The following OR9A4 variants were observed in gnomAD, a reference collection of about 807,000 sequenced individuals.
OR9A4 encodes the protein olfactory receptor 9A4.
Under a neutral mutation model 17.1 loss-of-function variants are expected in OR9A4, and 16 were observed. The ratio of observed to expected loss-of-function variants is 0.94; its 90% confidence interval spans 0.64 to 1.43. OR9A4 has a LOEUF of 1.43. OR9A4 is among the 40% of genes most tolerant of loss of function. OR9A4 has a pLI of 0.00. For missense variants in OR9A4, 392 were observed against 382.1 expected, an observed-to-expected ratio of 1.03 and a Z score of -0.22; for synonymous variants, 167 against 143.3, an observed-to-expected ratio of 1.17 and a Z score of -1.18.
chr7:141,918,779 T>G, intron 1 of OR9A4, 67 bp from the exon 2 acceptor site: 1 of 918,048 alleles, frequency 1.1e-6, no homozygotes, highest in Non-Finnish European at 1.7e-6. Context: ...AGAGGAATGT[T>G]TTTTCAACCT....
At position 141,919,981 on chromosome 7, in the gene OR9A4, GC is replaced by G. The variant is rs1554439201; in HGVS notation, c.*162del. The G allele has an allele frequency of 1.8e-6, 1 of 570,236 alleles. No homozygotes were observed. The highest frequency in any genetic ancestry group is 3.0e-6 in the Non-Finnish European group (1 of 336,188). 35.3% of individuals were successfully genotyped at this position (570,236 alleles called of 1,614,324 possible). ...AAGTTACAGCTACGGTTTTTAGTAT[GC>G]TTAGTTGTTACTTGAAACTCAGTCT... On this transcript the variant is annotated 3_prime_UTR_variant, in exon 2 of 2. Coordinates refer to ENST00000641559, the MANE Select transcript of OR9A4 (RefSeq NM_001001656.3).
chr7:141,918,407 G>A (rs73529454), intron 1 of OR9A4, among the ~76,000 whole-genome samples: 3,323 of 152,252 alleles, frequency 0.022, 122 homozygotes, highest in African/African-American at 0.076. Context: ...ACCCAGCCAG[G>A]AATACTTTCT....
At chr7:141,918,678 T>A in intron 1 of OR9A4, 168 bp from the exon 2 acceptor site, 1 of 528,492 alleles carries the variant, frequency 1.9e-6, no homozygotes, top group Non-Finnish European at 3.3e-6. Context: ...CATATACATT[T>A]ATCTTCAAAA....
chr7:141,919,136 T>C lies in OR9A4; in HGVS notation c.261T>C (p.Pro87=). Residue 87 remains proline, a synonymous_variant, in exon 2 of 2, where the codon CCT becomes CCC. Coordinates refer to ENST00000641559, the MANE Select transcript of OR9A4 (RefSeq NM_001001656.3). ...TGATGCTTTGGGGATTGCTGCTCCC[T>C]GGGATGCAGACAATATATTTGTCTG... The part of the protein sequence containing the change: ...VPVMLWGLLL[P]GMQTIYLSAC... 1 of 1,614,172 alleles carries C rather than the reference T, an allele frequency of 6.2e-7. No individual in the cohort carries two copies. Among genetic ancestry groups the C allele is most frequent in the Non-Finnish European group, 8.5e-7 (1 of 1,180,018 alleles).
Position 141,919,604 on chromosome 7 carries a change from C to T in OR9A4, c.729C>T (p.Ser243=), listed in dbSNP as rs782635692. Residue 243 remains serine, a synonymous_variant, in exon 2 of 2, where the codon TCC becomes TCT. Coordinates refer to ENST00000641559, the MANE Select transcript of OR9A4 (RefSeq NM_001001656.3). The part of the protein sequence containing the change: ...GRRKSFSTCA[S]HFTCVVIGYG... Reference sequence around the variant, plus strand: ...GGAAATCCTTCTCCACTTGTGCCTCCCACTTCACCTGTGTTGTGATTGGCT... The same window carrying T: ...GGAAATCCTTCTCCACTTGTGCCTCTCACTTCACCTGTGTTGTGATTGGCT... 18 of 1,614,164 alleles carry T rather than the reference C, an allele frequency of 1.1e-5. No homozygotes were observed. Among genetic ancestry groups the T allele is most frequent in the Non-Finnish European group, 1.5e-5 (18 of 1,180,034 alleles).
At position 141,919,240 on chromosome 7, in the gene OR9A4, G is replaced by A. The variant is rs201107197; in HGVS notation, c.365G>A (p.Arg122His). 22 of 1,614,118 alleles carry A rather than the reference G, an allele frequency of 1.4e-5. No homozygotes were observed. In the East Asian group the frequency reaches 2.2e-4, roughly 16 times the overall value. ...FALLGAMAVD[R>H]YVAVCNPLRY... ...TTACTTGGAGCAATGGCTGTGGACC[G>A]TTATGTGGCTGTCTGTAACCCTCTG... is the stretch of plus-strand genomic sequence containing the variant. The change falls in exon 2 of 2, where the codon CGT (arginine) becomes CAT (histidine). Residue 122 changes from arginine to histidine, a missense_variant. Coordinates refer to ENST00000641559, the MANE Select transcript of OR9A4 (RefSeq NM_001001656.3).
rs1563069718 is a variant in OR9A4 at position 141,918,978 on chromosome 7, T to C, written c.103T>C (p.Leu35=). The C allele has an allele frequency of 5.6e-6, 9 of 1,614,022 alleles. No individual in the cohort carries two copies. Among genetic ancestry groups the C allele is most frequent in the Non-Finnish European group, 7.6e-6 (9 of 1,180,036 alleles). The change falls in exon 2 of 2, where the codon TTG becomes CTG. Residue 35 remains leucine (L), a synonymous_variant. Coordinates refer to ENST00000641559, the MANE Select transcript of OR9A4 (RefSeq NM_001001656.3). ...ILFAIFFFFY[L]VTLMGNTVII... ...TTTTGCTATATTCTTCTTTTTCTAC[T>C]TGGTGACATTAATGGGAAACACAGT...
At chr7:141,918,789 T>G in intron 1 of OR9A4, 57 bp from the exon 2 acceptor site, 7 of 1,012,282 alleles carry the variant, frequency 6.9e-6, no homozygotes, top group Non-Finnish European at 1.0e-5. Context: ...TTTTTCAACC[T>G]GAAATGTCCT....
rs782374978 is a variant in OR9A4, at chr7:141,919,729, T to G, written c.854T>G (p.Leu285Arg). ...ATGGTTTCAGTAGTAACTCCTTTCC[T>G]CAATCCTTTCATCTTCACCCTCCGG... ...SLMVSVVTPF[L>R]NPFIFTLRND... is the part of the protein sequence containing the mutation. The change falls in exon 2 of 2, where the codon CTC becomes CGC. Residue 285 changes from leucine to arginine, a missense_variant. Transcript: ENST00000641559. 7 of 1,614,178 alleles carry G rather than the reference T, an allele frequency of 4.3e-6. No individual in the cohort carries two copies. The highest frequency in any genetic ancestry group is 5.9e-6 in the Non-Finnish European group (7 of 1,180,034).
At position 141,918,941 on chromosome 7, in the gene OR9A4, A is replaced by G; in HGVS notation, c.66A>G (p.Leu22=). The G allele has an allele frequency of 6.2e-7, 1 of 1,614,134 alleles. No homozygotes were observed. ...TTGGCTTCCCTGGCTCTGAAGAACT[A>G]CATCATATCCTTTTTGCTATATTCT... is the stretch of plus-strand genomic sequence containing the variant. ...YLLGFPGSEE[L]HHILFAIFFF... The change falls in exon 2 of 2, where the codon CTA becomes CTG. Residue 22 remains leucine, a synonymous_variant. Transcript: ENST00000641559.
chr7:141,920,104 T>C lies in OR9A4; in HGVS notation c.*284T>C, dbSNP rs1802257801. On this transcript the variant is annotated 3_prime_UTR_variant, in exon 2 of 2. Coordinates refer to ENST00000641559, the MANE Select transcript of OR9A4 (RefSeq NM_001001656.3). ...CACAATTAAACTTTGAAAAATTAAA[T>C]GTCAGAGATAGACTATCTATATAGT... 6.3e-6 allele frequency: 2 copies of C among 315,970 alleles called. No individual in the cohort carries two copies. The highest frequency in any genetic ancestry group is 9.1e-5 in the Admixed American group (2 of 21,966). The allele number at this position is 315,970 out of a possible 1,614,324, so 19.6% of individuals were successfully genotyped here. A position where few individuals can be genotyped will look rare whatever the true frequency, so the allele number is the denominator to read the frequency against.
rs1485650166 is a variant in OR9A4, at chr7:141,919,013, G to C, written c.138G>C (p.Met46Ile). ...TAATGGGAAACACAGTCATCATCAT[G>C]ATTGTCTGTGTGGATAAACGTCTGC... Reference protein sequence around the residue: ...VTLMGNTVIIMIVCVDKRLQS... With the variant: ...VTLMGNTVIIIIVCVDKRLQS... The change falls in exon 2 of 2, where the codon ATG (methionine) becomes ATC (isoleucine). Residue 46 changes from methionine (M) to isoleucine (I), a missense_variant. Met to Ile is a conservative substitution (Grantham distance 10). Transcript: ENST00000641559. The C allele has an allele frequency of 3.7e-6, 6 of 1,614,124 alleles. No individual in the cohort carries two copies. Among genetic ancestry groups the C allele is most frequent in the African/African-American group, 1.3e-5 (1 of 75,032 alleles).
In OR9A4 at chr7:141,919,104, G is replaced by A. The variant is rs782510701; in HGVS notation, c.229G>A (p.Val77Ile). The change falls in exon 2 of 2, where the codon GTC becomes ATC. Residue 77 changes from valine (V) to isoleucine (I), a missense_variant. Physicochemically the swap from Val to Ile is conservative, Grantham distance 29. Transcript: ENST00000641559. ...ALEILVTTII[V>I]PVMLWGLLLP... The stretch of plus-strand genomic sequence containing the variant: ...GGAGATCCTGGTCACAACCATAATC[G>A]TCCCCGTGATGCTTTGGGGATTGCT... 4.3e-6 allele frequency: 7 copies of A among 1,613,878 alleles called. No individual in the cohort carries two copies. The Admixed American group carries it at 5.0e-5, about 12-fold the overall frequency.
chr7:141,920,023 T>G lies in OR9A4; in HGVS notation c.*203T>G, dbSNP rs1177275570. 8 of 496,846 alleles carry G rather than the reference T, an allele frequency of 1.6e-5. No individual in the cohort carries two copies. The highest frequency in any genetic ancestry group is 1.5e-4 in the African/African-American group (8 of 52,070). The allele number at this position is 496,846 out of a possible 1,614,324, so 30.8% of individuals were successfully genotyped here. ...AACTCAGTCTATTATTTTTAAGACATGTCTTGCTATCTAGCTATCTATCTA... is the reference window on the plus strand; with the variant it reads ...AACTCAGTCTATTATTTTTAAGACAGGTCTTGCTATCTAGCTATCTATCTA... On this transcript the variant is annotated 3_prime_UTR_variant, in exon 2 of 2. Coordinates refer to ENST00000641559, the MANE Select transcript of OR9A4 (RefSeq NM_001001656.3).
chr7:141,917,673 T>C (rs1293026612), intron 1 of OR9A4, among the ~76,000 whole-genome samples: 1 of 152,152 alleles, frequency 6.6e-6, no homozygotes, highest in Admixed American at 6.5e-5. Flanking sequence ...GGCCCTAGGG[T>C]GGAGGCTGTG....
At chr7:141,916,838 T>C (rs1050148811) in intron 1 of OR9A4, among the ~76,000 whole-genome samples, 1 of 152,180 alleles carries the variant, frequency 6.6e-6, no homozygotes, top group Non-Finnish European at 1.5e-5. Context: ...CTCTGCCCTA[T>C]GCTGGCGAGA....
chr7:141,917,580 C>G (rs1048329367), intron 1 of OR9A4, among the ~76,000 whole-genome samples: 1 of 152,172 alleles, frequency 6.6e-6, no homozygotes, highest in Admixed American at 6.5e-5. Flanking sequence ...GAGGTCTTGT[C>G]TCTCTGCTGA....
chr7:141,918,085 A>G (rs1408907488), intron 1 of OR9A4, among the ~76,000 whole-genome samples: 1 of 152,230 alleles, frequency 6.6e-6, no homozygotes, highest in Non-Finnish European at 1.5e-5. Flanking sequence ...TTTAGAGGAT[A>G]CAGAAGAAAA....
Position 141,919,377 on chromosome 7 carries a change from T to C in OR9A4, c.502T>C (p.Tyr168His). The C allele has an allele frequency of 6.2e-7, 1 of 1,614,186 alleles. No individual in the cohort carries two copies. The highest frequency in any genetic ancestry group is 1.1e-5 in the South Asian group (1 of 91,080). ...WPVYVMFQLT[Y>H]CKSNVVNNFF... is the part of the protein sequence containing the mutation. ...GGTCTATGTCATGTTTCAGCTTACT[T>C]ACTGCAAATCAAATGTGGTGAACAA... is the stretch of plus-strand genomic sequence containing the variant. Residue 168 changes from tyrosine (Y) to histidine (H), a missense_variant, in exon 2 of 2, where the codon TAC becomes CAC. Tyr to His is a moderately conservative substitution (Grantham distance 83). Coordinates refer to ENST00000641559, the MANE Select transcript of OR9A4 (RefSeq NM_001001656.3).
Sources: allele counts gnomAD v4.1 joint callset (sites outside exome capture counted in the v4.1 genomes callset), GRCh38; gene constraint gnomAD v4.1.1; transcripts MANE v1.5; gene names NCBI Gene and HGNC (gene_info 2026-07-23, HGNC 2026-07-21).